The following WDPCP variants were observed in gnomAD, a reference collection of about 807,000 sequenced individuals.
WDPCP encodes the protein WD repeat containing planar cell polarity effector.
In WDPCP, 71 loss-of-function variants were observed where a neutral mutation model predicts 93.1. The ratio of observed to expected loss-of-function variants is 0.76; its 90% CI spans 0.63 to 0.93. The LOEUF (loss-of-function observed/expected upper bound fraction) is 0.93. Among genes scored for constraint, WDPCP ranks in the 40% least tolerant of loss-of-function variants. The probability of loss-of-function intolerance (pLI) is 0.00; values close to 1 mark genes in which losing one functional copy is unlikely to be tolerated. For missense variants in WDPCP, 844 were observed against 887.4 expected, an observed-to-expected ratio of 0.95 and a Z score of 0.62; for synonymous variants, 315 against 315.0, an observed-to-expected ratio of 1.00 and a Z score of 0.00.
chr2:63,720,795 G>A (rs567405433), intron 2 of WDPCP, among the ~76,000 whole-genome samples: 1 of 152,194 alleles, frequency 6.6e-6, no homozygotes, highest in Non-Finnish European at 1.5e-5. Context: ...AAACAATACA[G>A]AGGAAAAATA....
chr2:63,504,390 T>C (rs1701741085), intron 1 of WDPCP, among the ~76,000 whole-genome samples: 1 of 150,428 alleles, frequency 6.6e-6, no homozygotes, highest in Non-Finnish European at 1.5e-5. Context: ...TCACATATTC[T>C]TAAAAATATT....
At chr2:63,253,154 TGGG>T (rs1166985761) in intron 14 of WDPCP, among the ~76,000 whole-genome samples, 1 of 152,088 alleles carries the variant, frequency 6.6e-6, no homozygotes, top group Non-Finnish European at 1.5e-5. Context: ...GAAAAGAAGT[TGGG>T]AAAGGACTCC....
intron 3 of WDPCP, among the ~76,000 whole-genome samples, chr2:63,598,785 G>C (rs1234484367): frequency 6.6e-6 from 1 of 151,582 alleles, no homozygotes; most frequent in Non-Finnish European, 1.5e-5. Context: ...AGTACTCCTT[G>C]CACAGTAATT....
chr2:63,258,741 T>A (rs1681351357), intron 14 of WDPCP, among the ~76,000 whole-genome samples: 1 of 152,180 alleles, frequency 6.6e-6, no homozygotes, highest in Non-Finnish European at 1.5e-5. Flanking sequence ...TTAGCATTGA[T>A]ATTACAGTAA....
Position 63,575,412 on chromosome 2 carries a change from ATATACACTGTATACAGTGTATATACAGTG to A in WDPCP, c.75+12756_75+12784del, listed in dbSNP as rs1707903479. Among the ~76,000 whole-genome samples the A allele has an allele frequency of 3.5e-4, 7 of 19,836 alleles. 2 individuals carry two copies. Among genetic ancestry groups the A allele is most frequent in the African/African-American group, 1.4e-3 (6 of 4,166 alleles). The allele number at this position is 19,836 out of a possible 152,430, so 13.0% of individuals were successfully genotyped here. A position where few individuals can be genotyped will look rare whatever the true frequency, so the allele number is the denominator to read the frequency against. ...ACGGTATATACAGTATATATACAGT[ATATACACTGTATACAGTGTATATACAGTG>A]TATACACTGTATATACAGTATATAT... On this transcript the variant is annotated intron_variant, in intron 1 of 17. Transcript: ENST00000272321.
intron 1 of WDPCP, among the ~76,000 whole-genome samples, chr2:63,561,305 T>C (rs1195190667): frequency 1.3e-5 from 2 of 152,092 alleles, no homozygotes; most frequent in African/African-American, 4.8e-5. Flanking sequence ...GGTGAAACAC[T>C]GTCTCTACTA....
chr2:63,321,107 A>G (rs1575135275), intron 12 of WDPCP, among the ~76,000 whole-genome samples: 1 of 152,230 alleles, frequency 6.6e-6, no homozygotes, highest in African/African-American at 2.4e-5. Flanking sequence ...AGACCCAACA[A>G]TCATGACTGT....
chr2:63,274,173 G>A (rs889985163), intron 13 of WDPCP, among the ~76,000 whole-genome samples: 1 of 152,028 alleles, frequency 6.6e-6, no homozygotes, highest in African/African-American at 2.4e-5. Context: ...AGGAAGAAAA[G>A]TAGAAGTCAA....
intron 2 of WDPCP, among the ~76,000 whole-genome samples, chr2:63,721,816 T>C (rs923893417): frequency 1.3e-5 from 2 of 151,038 alleles, no homozygotes; most frequent in South Asian, 2.1e-4. Context: ...ACTGCTGCCA[T>C]CTCGGCTCAC....
intron 2 of WDPCP, among the ~76,000 whole-genome samples, chr2:63,689,865 C>T (rs1312554088): frequency 6.6e-6 from 1 of 152,124 alleles, no homozygotes. Context: ...GCCAAGGGGT[C>T]AACTTGACGT....
At chr2:63,352,414 A>G (rs527338984) in intron 12 of WDPCP, among the ~76,000 whole-genome samples, 29 of 152,356 alleles carry the variant, frequency 1.9e-4, no homozygotes, top group African/African-American at 7.0e-4. Context: ...CAAATTCATG[A>G]GATTACAGTG....
At chr2:63,376,179 A>G (rs373395689) in intron 12 of WDPCP, among the ~76,000 whole-genome samples, 1 of 152,048 alleles carries the variant, frequency 6.6e-6, no homozygotes, top group South Asian at 2.1e-4. Context: ...TTCTTTTTTC[A>G]TAATACTGTA....
chr2:63,680,679 G>A (rs1710479669), intron 2 of WDPCP, among the ~76,000 whole-genome samples: 1 of 152,156 alleles, frequency 6.6e-6, no homozygotes, highest in African/African-American at 2.4e-5. Flanking sequence ...GGGACTTGGG[G>A]GACATGTGAC....
chr2:63,424,650 G>A (rs189993321), intron 9 of WDPCP, among the ~76,000 whole-genome samples: 23 of 152,344 alleles, frequency 1.5e-4, no homozygotes, highest in African/African-American at 5.1e-4. Context: ...GGGGAGCCAA[G>A]CTGAGATCTG....
intron 6 of WDPCP, among the ~76,000 whole-genome samples, chr2:63,471,269 G>C (rs1699673442): frequency 6.6e-6 from 1 of 152,166 alleles, no homozygotes; most frequent in Non-Finnish European, 1.5e-5. Flanking sequence ...GTGAATGAAT[G>C]GTCACAAGCT....
At chr2:63,599,475 C>T (rs1709381896) in intron 3 of WDPCP, 2 of 491,162 alleles carry the variant, frequency 4.1e-6, no homozygotes, top group Non-Finnish European at 6.7e-6. Context: ...AATGTATTCT[C>T]TTAAAGGACC....
chr2:63,278,212 AAT>A (rs1187814390), intron 13 of WDPCP, among the ~76,000 whole-genome samples: 6 of 152,230 alleles, frequency 3.9e-5, no homozygotes, highest in African/African-American at 1.4e-4. Context: ...CTTTGAACTG[AAT>A]GAGAATAGTA....
chr2:63,175,016 A>G (rs1451960068), intron 14 of WDPCP, among the ~76,000 whole-genome samples, 184 bp from the exon 15 acceptor site: 1 of 152,204 alleles, frequency 6.6e-6, no homozygotes, highest in African/African-American at 2.4e-5. Context: ...CAGCAGTTTG[A>G]TAACAGAATA....
chr2:63,680,791 T>C (rs544642438), intron 2 of WDPCP, among the ~76,000 whole-genome samples: 1 of 152,156 alleles, frequency 6.6e-6, no homozygotes, highest in Non-Finnish European at 1.5e-5. Context: ...CCTTCTTCTT[T>C]CTACTTGAGA....
Sources: allele counts gnomAD v4.1 joint callset (sites outside exome capture counted in the v4.1 genomes callset), GRCh38; gene constraint gnomAD v4.1.1; transcripts MANE v1.5; gene names NCBI Gene and HGNC (gene_info 2026-07-23, HGNC 2026-07-21).